Variants in GLDC observed in about 807,000 individuals in gnomAD.
The protein encoded by GLDC is glycine decarboxylase, also known as glycine dehydrogenase (decarboxylating), mitochondrial.
In GLDC, 104 loss-of-function variants were observed where a neutral mutation model predicts 121.3. The ratio of observed to expected loss-of-function variants is 0.86; its 90% CI spans 0.73 to 1.01. GLDC has a LOEUF of 1.01. Ranked by LOEUF, GLDC falls within the 50% of genes least tolerant of loss-of-function variation. The pLI, the probability that GLDC is intolerant of heterozygous loss-of-function variation, is 0.00. For synonymous variants in GLDC, 546 were observed against 480.6 expected (o/e 1.14, Z -1.78); for missense variants, 1,429 against 1,306.6 (o/e 1.09, Z -1.44).
intron 2 of GLDC, among the ~76,000 whole-genome samples, chr9:6,623,487 G>A (rs544041272): frequency 2.0e-3 from 297 of 150,488 alleles, no homozygotes; most frequent in Non-Finnish European, 3.5e-3. Context: ...GCGGAAGGCC[G>A]CAGGGTCCTC....
At chr9:6,571,173 A>T (rs7022270) in intron 15 of GLDC, among the ~76,000 whole-genome samples, 4,107 of 150,442 alleles carry the variant, frequency 0.027, 158 homozygotes, top group African/African-American at 0.083. Context: ...TACTTTTTTT[A>T]AAAAAAAAAG....
intron 15 of GLDC, among the ~76,000 whole-genome samples, chr9:6,571,172 T>TA (rs1016050870): frequency 8.0e-5 from 12 of 149,276 alleles, no homozygotes; most frequent in South Asian, 2.1e-4. Flanking sequence ...CTACTTTTTT[T>TA]AAAAAAAAAA....
rs143780265 is a variant in GLDC, at chr9:6,594,035, C to T, written c.1261+979G>A. 1.3e-4 allele frequency among the ~76,000 whole-genome samples: 20 copies of T among 152,014 alleles called. No individual in the cohort carries two copies. In the East Asian group the frequency reaches 1.7e-3, roughly 13 times the overall value. On this transcript the variant is annotated intron_variant, in intron 9 of 24. Transcript: ENST00000321612. ...AGAGATGTGGTCTCGCTCTTGCCCA[C>T]GCTGGTCTTGAACTCCTGGCCTCAA...
intron 2 of GLDC, among the ~76,000 whole-genome samples, chr9:6,633,179 A>G (rs1563871763): frequency 1.3e-5 from 2 of 152,174 alleles, no homozygotes; most frequent in Non-Finnish European, 2.9e-5. Context: ...TGCCTAAGAA[A>G]GGTCGAGAAT....
chr9:6,548,611 A>G (rs550157962), intron 21 of GLDC, among the ~76,000 whole-genome samples: 58 of 152,316 alleles, frequency 3.8e-4, no homozygotes, highest in African/African-American at 1.3e-3. Flanking sequence ...TCACAGCTAT[A>G]GAGCTACATT....
chr9:6,603,559 AATTTT>A (rs1818663424), intron 7 of GLDC, among the ~76,000 whole-genome samples: 1 of 146,180 alleles, frequency 6.8e-6, no homozygotes. Flanking sequence ...AAATAAATAA[AATTTT>A]AAAAAAACAC....
At chr9:6,538,781 G>A (rs980949004) in intron 22 of GLDC, among the ~76,000 whole-genome samples, 1 of 152,242 alleles carries the variant, frequency 6.6e-6, no homozygotes, top group Non-Finnish European at 1.5e-5. Flanking sequence ...CATCCACAAA[G>A]TGAGTGTGTT....
At chr9:6,614,625 G>C (rs1429289978) in intron 3 of GLDC, among the ~76,000 whole-genome samples, 1 of 151,290 alleles carries the variant, frequency 6.6e-6, no homozygotes, top group Non-Finnish European at 1.5e-5. Flanking sequence ...CTGGGCTCAA[G>C]TGATCCTTCC....
chr9:6,645,427 C>T lies in GLDC; in HGVS notation c.73G>A (p.Gly25Arg). ...CGCGGCGCCCAGCACGGCCCCGATC[C>T]CCCAGCCAGGCGGCGGCCGCCCCCG... ...GVGGGRRLAG[G>R]SGPCWAPRSR... is the part of the protein sequence containing the mutation. The change falls in exon 1 of 25, where the codon GGA becomes AGA. Residue 25 changes from glycine (G) to arginine (R), a missense_variant. Physicochemically the swap from Gly to Arg is moderately radical, Grantham distance 125. Transcript: ENST00000321612. 2.3e-6 allele frequency: 3 copies of T among 1,307,732 alleles called. No individual in the cohort carries two copies. Among genetic ancestry groups the T allele is most frequent in the South Asian group, 2.6e-5 (1 of 38,400 alleles). 81.0% of individuals were successfully genotyped at this position (1,307,732 alleles called of 1,614,324 possible). A position where few individuals can be genotyped will look rare whatever the true frequency, so the allele number is the denominator to read the frequency against.
At chr9:6,630,626 G>A (rs931236765) in intron 2 of GLDC, among the ~76,000 whole-genome samples, 8 of 152,184 alleles carry the variant, frequency 5.3e-5, no homozygotes, top group East Asian at 1.9e-4. Context: ...AGAATGTGAG[G>A]ACAGAGACTG....
intron 8 of GLDC, among the ~76,000 whole-genome samples, chr9:6,601,068 G>C (rs1426008459): frequency 1.3e-5 from 2 of 152,202 alleles, no homozygotes; most frequent in Non-Finnish European, 2.9e-5. Flanking sequence ...AGTTACTCAG[G>C]AGGCTGAGGC....
At chr9:6,639,262 C>T (rs191493033) in intron 2 of GLDC, 168 of 903,638 alleles carry the variant, frequency 1.9e-4, no homozygotes, top group African/African-American at 1.7e-3. Context: ...AAAGAAGATC[C>T]GCACATCACC....
intron 21 of GLDC, chr9:6,541,783 C>T (rs1361947341): frequency 8.4e-6 from 1 of 118,540 alleles, no homozygotes; most frequent in Non-Finnish European, 1.6e-5. Flanking sequence ...GCCGAGATGG[C>T]ACCACTGCAC....
At chr9:6,548,051 A>G (rs1007627721) in intron 21 of GLDC, among the ~76,000 whole-genome samples, 23 of 152,064 alleles carry the variant, frequency 1.5e-4, no homozygotes, top group Non-Finnish European at 2.8e-4. Flanking sequence ...AGTTAGGAGG[A>G]TGACTTGAGC....
rs148297126 is a variant in GLDC at position 6,634,338 on chromosome 9, G to A, written c.334+10276C>T. 1.3e-3 allele frequency among the ~76,000 whole-genome samples: 191 copies of A among 152,140 alleles called. 4 individuals are homozygous for A. The East Asian group carries it at 0.036, about 28-fold the overall frequency. ...TGAGCTCGGAGTTCAAGACCAGCCT[G>A]GGCAACATGGCGAAACTCCATCTCT... is the stretch of plus-strand genomic sequence containing the variant. On this transcript the variant is annotated intron_variant, in intron 2 of 24. Transcript: ENST00000321612.
At chr9:6,620,082 G>T in intron 3 of GLDC, 102 bp downstream of exon 3, 2 of 1,090,420 alleles carry the variant, frequency 1.8e-6, no homozygotes, top group Non-Finnish European at 2.8e-6. Flanking sequence ...CTAGGAGGTG[G>T]GTGTCAGTGT....
chr9:6,573,731 G>A (rs945394362), intron 15 of GLDC, among the ~76,000 whole-genome samples: 2 of 152,068 alleles, frequency 1.3e-5, no homozygotes, highest in Admixed American at 6.6e-5. Flanking sequence ...CTAAGAAACC[G>A]ATACGGTAAA....
chr9:6,617,714 C>A (rs1027925940), intron 3 of GLDC, among the ~76,000 whole-genome samples: 1 of 152,176 alleles, frequency 6.6e-6, no homozygotes, highest in African/African-American at 2.4e-5. Flanking sequence ...GATCTGGCTC[C>A]TATAATGATA....
At chr9:6,613,167 C>T (rs1478825767) in intron 3 of GLDC, among the ~76,000 whole-genome samples, 1 of 152,090 alleles carries the variant, frequency 6.6e-6, no homozygotes, top group East Asian at 1.9e-4. Context: ...ACACATTTAC[C>T]ACCTTTTTTA....
Sources: gnomAD v4.1 joint callset for allele counts (sites outside exome capture counted in the v4.1 genomes callset) on GRCh38, gnomAD v4.1.1 for gene constraint, MANE v1.5 for transcripts, NCBI Gene and HGNC (gene_info 2026-07-23, HGNC 2026-07-21) for gene names.